Variants in WASHC3 observed in about 807,000 individuals in gnomAD.
WASHC3 encodes the protein WASH complex subunit 3.
A neutral mutation model predicts 26.1 loss-of-function variants in WASHC3; 24 were observed. The ratio of observed to expected loss-of-function variants is 0.92; its 90% CI spans 0.66 to 1.29. The LOEUF is 1.29. WASHC3 is among the 50% of genes most tolerant of loss of function. The pLI is 0.00. For missense variants in WASHC3, 214 were observed against 229.6 expected (o/e 0.93, Z 0.44); for synonymous variants, 77 against 75.7 (o/e 1.02, Z -0.09).
At chr12:102,016,501 G>A (rs1594345430) in intron 6 of WASHC3, among the ~76,000 whole-genome samples, 1 of 152,122 alleles carries the variant, frequency 6.6e-6, no homozygotes, top group East Asian at 1.9e-4. Flanking sequence ...CACTGTGCCT[G>A]GCCTCTGTTG....
intron 6 of WASHC3, among the ~76,000 whole-genome samples, chr12:102,016,225 AAC>A (rs1876694603): frequency 6.6e-6 from 1 of 151,172 alleles, no homozygotes; most frequent in African/African-American, 2.4e-5. Context: ...TATTTTTTTC[AAC>A]AGAGTCTTGC....
intron 2 of WASHC3, among the ~76,000 whole-genome samples, chr12:102,060,376 C>T (rs1444829161): frequency 1.3e-5 from 2 of 152,160 alleles, no homozygotes; most frequent in South Asian, 4.1e-4. Flanking sequence ...AATTCCCGGG[C>T]GCAAGTGATC....
At chr12:102,017,860 T>C in intron 6 of WASHC3, 1 of 400,164 alleles carries the variant, frequency 2.5e-6, no homozygotes. Flanking sequence ...TTTTTAAGTA[T>C]ACGGTAGTGT....
intron 5 of WASHC3, among the ~76,000 whole-genome samples, chr12:102,038,698 T>A (rs1390931888): frequency 2.0e-5 from 3 of 152,100 alleles, no homozygotes; most frequent in Non-Finnish European, 4.4e-5. Flanking sequence ...GTCTGGTTTA[T>A]TTTTTTCTAA....
chr12:102,023,265 T>C (rs1301528075), intron 6 of WASHC3, among the ~76,000 whole-genome samples: 1 of 152,214 alleles, frequency 6.6e-6, no homozygotes, highest in East Asian at 1.9e-4. Context: ...CAATCAACTA[T>C]AAATATTTTT....
intron 5 of WASHC3, among the ~76,000 whole-genome samples, chr12:102,029,882 C>T (rs934019251): frequency 6.6e-6 from 1 of 152,160 alleles, no homozygotes; most frequent in Non-Finnish European, 1.5e-5. Flanking sequence ...TGAAAAAACG[C>T]TACGGGTTGT....
intron 5 of WASHC3, among the ~76,000 whole-genome samples, chr12:102,032,615 C>A (rs575250052): frequency 1.3e-5 from 2 of 151,950 alleles, no homozygotes; most frequent in Non-Finnish European, 2.9e-5. Flanking sequence ...TCAGAAAATG[C>A]CAGCAGGTGT....
At chr12:102,017,500 A>T (rs1876757628) in intron 6 of WASHC3, among the ~76,000 whole-genome samples, 1 of 152,222 alleles carries the variant, frequency 6.6e-6, no homozygotes, top group African/African-American at 2.4e-5. Flanking sequence ...GCGGAAATAA[A>T]AGAGAATGAC....
intron 2 of WASHC3, among the ~76,000 whole-genome samples, chr12:102,056,589 T>C (rs1878601015): frequency 2.0e-5 from 3 of 152,180 alleles, no homozygotes; most frequent in Admixed American, 2.0e-4. Context: ...TAAACATGAC[T>C]TTACAATTAA....
chr12:102,045,933 C>CA, intron 3 of WASHC3, 121 bp downstream of exon 3: 1 of 596,710 alleles, frequency 1.7e-6, no homozygotes. Context: ...CAACCAGTAT[C>CA]ACTTCACAGA....
chr12:102,060,171 A>C (rs60203952), intron 2 of WASHC3, among the ~76,000 whole-genome samples: 179 of 152,376 alleles, frequency 1.2e-3, no homozygotes, highest in African/African-American at 3.9e-3. Flanking sequence ...ACTTGTGAAT[A>C]TCTAAGTCCC....
intron 6 of WASHC3, among the ~76,000 whole-genome samples, chr12:102,016,279 A>G (rs1876697014): frequency 6.6e-6 from 1 of 151,942 alleles, no homozygotes; most frequent in South Asian, 2.1e-4. Context: ...ATCTTGGCTC[A>G]CTGCAATCTC....
chr12:102,013,963 T>C (rs564341654), intron 6 of WASHC3, among the ~76,000 whole-genome samples: 1 of 151,868 alleles, frequency 6.6e-6, no homozygotes, highest in Non-Finnish European at 1.5e-5. Flanking sequence ...ATCAGTGTAG[T>C]GGCATTATCA....
At chr12:102,052,464 C>T (rs752512710) in intron 2 of WASHC3, among the ~76,000 whole-genome samples, 1 of 152,202 alleles carries the variant, frequency 6.6e-6, no homozygotes, top group Non-Finnish European at 1.5e-5. Flanking sequence ...CCACTGGGAC[C>T]GTAGGTTCCA....
At chr12:102,062,100 G>C (rs919537851), upstream of WASHC3, 1 of 676,748 alleles carries the variant, frequency 1.5e-6, no homozygotes, top group Non-Finnish European at 2.5e-6. Context: ...AAGCTTCTCC[G>C]CTCACTAATC....
rs1269879446 is a variant in WASHC3 at position 102,061,271 on chromosome 12, G to A, written c.127C>T (p.Arg43Cys). The change falls in exon 2 of 7, where the codon CGC becomes TGC. Residue 43 changes from arginine (R) to cysteine (C), a missense_variant. Arg to Cys is a radical substitution (Grantham distance 180). Transcript: ENST00000240079. The stretch of plus-strand genomic sequence containing the variant: ...ACCTCCTCACAAACTGTAGAAAAGC[G>A]GTTGAGGAACTGTACAGTGTGCACC... ...FVVHTVQFLN[R>C]FSTVCEEKLA... is the part of the protein sequence containing the mutation. 4.3e-6 allele frequency: 7 copies of A among 1,613,510 alleles called. No individual in the cohort carries two copies. The highest frequency in any genetic ancestry group is 1.1e-5 in the South Asian group (1 of 91,040).
At chr12:102,056,663 T>C (rs1402892440) in intron 2 of WASHC3, among the ~76,000 whole-genome samples, 5 of 152,190 alleles carry the variant, frequency 3.3e-5, no homozygotes, top group Non-Finnish European at 2.9e-5. Flanking sequence ...ACAGATTGGA[T>C]AACCTAGAAT....
At chr12:102,061,796 A>C (rs1878822314) in intron 1 of WASHC3, 116 bp downstream of exon 1, 1 of 841,582 alleles carries the variant, frequency 1.2e-6, no homozygotes, top group South Asian at 1.7e-5. Flanking sequence ...GGCCTGTCAC[A>C]AGGGCCCGAG....
rs1878056051 is a variant in WASHC3, at chr12:102,044,122, T to C, written c.307A>G (p.Thr103Ala). Residue 103 changes from threonine (T) to alanine (A), a missense_variant, in exon 4 of 7, where the codon ACT becomes GCT. Coordinates refer to ENST00000240079, the MANE Select transcript of WASHC3 (RefSeq NM_016053.4). The part of the protein sequence containing the change: ...SVTNGAHPEA[T>A]SEQPQQNSTQ... ...TCACTTACCTGTGGTTGCTCTGAAG[T>C]GGCTTCAGGATGTGCTCCATTTGTG... is the stretch of plus-strand genomic sequence containing the variant. The C allele has an allele frequency of 6.3e-7, 1 of 1,599,748 alleles. No individual in the cohort carries two copies. The highest frequency in any genetic ancestry group is 1.3e-5 in the African/African-American group (1 of 74,396).
Sources: gnomAD v4.1 joint callset for allele counts (sites outside exome capture counted in the v4.1 genomes callset) on GRCh38, gnomAD v4.1.1 for gene constraint, MANE v1.5 for transcripts, NCBI Gene and HGNC (gene_info 2026-07-23, HGNC 2026-07-21) for gene names.